Variants in C10orf105 observed in about 807,000 individuals in gnomAD.
The protein encoded by C10orf105 is uncharacterized protein C10orf105.
A neutral mutation model predicts 0.6 loss-of-function variants in C10orf105; 2 were observed. The observed-to-expected ratio is 3.18, with a 90% CI of 1.30 to 10.01. The LOEUF (loss-of-function observed/expected upper bound fraction) is 10.01, where lower values mean the gene tolerates loss of function less well. C10orf105 is among the 30% of genes most tolerant of loss of function. The pLI is 0.04. For missense variants in C10orf105, 209 were observed against 191.4 expected (o/e 1.09, Z -0.54); for synonymous variants, 95 against 82.4 (o/e 1.15, Z -0.83).
rs1172613892 is a variant in C10orf105, at chr10:71,728,864, C to T, written c.-6+8864G>A. Among the ~76,000 whole-genome samples, 3 of 152,054 alleles carry T rather than the reference C, an allele frequency of 2.0e-5. No homozygotes were observed. The South Asian group carries it at 6.2e-4, about 32-fold the overall frequency. On this transcript the variant is annotated intron_variant, in intron 1 of 1. Coordinates refer to the C10orf105 transcript ENST00000398786. ...GATTACAGATGCATGTCACCACCCC[C>T]GGCTAATTTTTTTTAGAGACAGAGT... is the stretch of plus-strand genomic sequence containing the variant.
At chr10:71,724,091 A>G, upstream of C10orf105, 1 of 1,558,868 alleles carries the variant, frequency 6.4e-7, no homozygotes, top group East Asian at 2.4e-5. Flanking sequence ...CGTGTGTGGT[A>G]CCGCATCCTC....
chr10:71,720,476 C>G (rs920635274), upstream of C10orf105, among the ~76,000 whole-genome samples: 1 of 151,988 alleles, frequency 6.6e-6, no homozygotes, highest in Non-Finnish European at 1.5e-5. Context: ...TTCTTTCTCC[C>G]CAGAAGCCAG....
intron 1 of C10orf105, chr10:71,732,683 C>T: frequency 7.5e-7 from 1 of 1,334,728 alleles, no homozygotes; most frequent in Non-Finnish European, 9.6e-7. Flanking sequence ...TGTAACACAT[C>T]CATTTTCATA....
At position 71,730,134 on chromosome 10, in the gene C10orf105, G is replaced by A. The variant is rs1178830913; in HGVS notation, c.-6+7594C>T. Reference sequence around the variant, plus strand: ...TTACAGGCGTGAGCCACCGCGCCCGGCCGAATTATTATCTTAATATTACCA... The same window carrying A: ...TTACAGGCGTGAGCCACCGCGCCCGACCGAATTATTATCTTAATATTACCA... On this transcript the variant is annotated intron_variant, in intron 1 of 1. Coordinates refer to the C10orf105 transcript ENST00000398786. Among the ~76,000 whole-genome samples the A allele has an allele frequency of 3.9e-5, 6 of 152,178 alleles. No homozygotes were observed. In the East Asian group the frequency reaches 7.7e-4, roughly 20 times the overall value.
At chr10:71,720,713 G>A (rs1366432789), upstream of C10orf105, among the ~76,000 whole-genome samples, 3 of 152,208 alleles carry the variant, frequency 2.0e-5, no homozygotes, top group Non-Finnish European at 4.4e-5. Flanking sequence ...CCCCAAGATG[G>A]ACAAGAGATT....
At chr10:71,717,773 C>T (rs1303766041) in intron 1 of C10orf105, 1 of 152,146 alleles carries the variant, frequency 6.6e-6, no homozygotes, top group Non-Finnish European at 1.5e-5. Context: ...AGCCAGAAAT[C>T]TGGATTTTTT....
chr10:71,712,335 T>C lies in C10orf105; in HGVS notation c.*3601A>G, dbSNP rs1029466320. On this transcript the variant is annotated 3_prime_UTR_variant, in exon 2 of 2. Coordinates refer to ENST00000441508, the MANE Select transcript of C10orf105 (RefSeq NM_001164375.3). ...CAGGTTCCCAGGGGTTTAACATGGGTCTGTTTTTTTTGGGAGCCATCATTC... is the reference window on the plus strand; with the variant it reads ...CAGGTTCCCAGGGGTTTAACATGGGCCTGTTTTTTTTGGGAGCCATCATTC... 7.9e-6 allele frequency: 2 copies of C among 253,824 alleles called. No individual in the cohort carries two copies. Among genetic ancestry groups the C allele is most frequent in the Non-Finnish European group, 1.5e-5 (2 of 131,342 alleles). 15.7% of individuals were successfully genotyped at this position (253,824 alleles called of 1,614,324 possible).
In C10orf105 at chr10:71,712,597, CAA is replaced by C; in HGVS notation, c.*3337_*3338del. 1 of 1,578,874 alleles carries C rather than the reference CAA, an allele frequency of 6.3e-7. No individual in the cohort carries two copies. Among genetic ancestry groups the C allele is most frequent in the Non-Finnish European group, 8.6e-7 (1 of 1,156,612 alleles). ...TCTCTGGCCGGTGCCCGGGAGTGTG[CAA>C]AGTCACAGGAAGTGTGCCCCTCTCT... On this transcript the variant is annotated 3_prime_UTR_variant, in exon 2 of 2. Transcript: ENST00000441508.
At chr10:71,724,231 G>T, upstream of C10orf105, 1 of 943,512 alleles carries the variant, frequency 1.1e-6, no homozygotes, top group Non-Finnish European at 1.6e-6. Flanking sequence ...CATGGGGCGA[G>T]GCCAGAGGGA....
At chr10:71,719,529 G>A (rs1866450156) in intron 1 of C10orf105, 98 bp downstream of exon 1, 4 of 152,564 alleles carry the variant, frequency 2.6e-5, no homozygotes, top group Admixed American at 6.5e-5. Flanking sequence ...GACTGCCTAG[G>A]TCTGAGCATA....
intron 1 of C10orf105, chr10:71,732,227 A>G: frequency 6.2e-7 from 1 of 1,613,754 alleles, no homozygotes; most frequent in Non-Finnish European, 8.5e-7. Flanking sequence ...GCCTCATACG[A>G]GGCTGCCATC....
chr10:71,728,189 TC>T (rs965340988), intron 1 of C10orf105, among the ~76,000 whole-genome samples: 10 of 151,556 alleles, frequency 6.6e-5, no homozygotes, highest in Non-Finnish European at 1.2e-4. Flanking sequence ...CCATGCAAAC[TC>T]CCCCCCGCAC....
At chr10:71,737,176 C>G (rs1225436171) in intron 1 of C10orf105, among the ~76,000 whole-genome samples, 2 of 152,130 alleles carry the variant, frequency 1.3e-5, no homozygotes, top group Non-Finnish European at 2.9e-5. Flanking sequence ...TCAGGGAACT[C>G]CATAGCAAAA....
chr10:71,717,960 A>T (rs1866358814), intron 1 of C10orf105: 1 of 152,256 alleles, frequency 6.6e-6, no homozygotes, highest in African/African-American at 2.4e-5. Context: ...AACCAAACAC[A>T]TAAGCAGAGG....
In C10orf105 at chr10:71,713,507, G is replaced by A; in HGVS notation, c.*2429C>T. The A allele has an allele frequency of 3.7e-6, 2 of 547,798 alleles. No individual in the cohort carries two copies. The highest frequency in any genetic ancestry group is 2.2e-5 in the South Asian group (1 of 45,994). 33.9% of individuals were successfully genotyped at this position (547,798 alleles called of 1,614,324 possible). Reference sequence around the variant, plus strand: ...CTTGGGAGGGACAGAAGCGTGGGAGGCTGGCAATGCTCCCCTCCCTGCATC... The same window carrying A: ...CTTGGGAGGGACAGAAGCGTGGGAGACTGGCAATGCTCCCCTCCCTGCATC... On this transcript the variant is annotated 3_prime_UTR_variant, in exon 2 of 2. Transcript: ENST00000441508.
intron 1 of C10orf105, chr10:71,732,386 G>A (rs2132826428): frequency 6.4e-7 from 1 of 1,554,922 alleles, no homozygotes. Flanking sequence ...GTGAGGGGCT[G>A]GGGGCAGGGA....
At chr10:71,730,358 CA>C in intron 1 of C10orf105, 1 of 1,408,838 alleles carries the variant, frequency 7.1e-7, no homozygotes, top group Admixed American at 2.3e-5. Flanking sequence ...AGGGAGCTCA[CA>C]GCAGGCCCAG....
At chr10:71,731,879 C>T (rs1839402217) in intron 1 of C10orf105, 1 of 1,215,934 alleles carries the variant, frequency 8.2e-7, no homozygotes, top group African/African-American at 1.5e-5. Flanking sequence ...TGGGGCAGCC[C>T]ATGCTGGGTG....
At position 71,712,292 on chromosome 10, in the gene C10orf105, C is replaced by G; in HGVS notation, c.*3644G>C. The G allele has an allele frequency of 5.3e-6, 1 of 187,794 alleles. No homozygotes were observed. Among genetic ancestry groups the G allele is most frequent in the South Asian group, 1.3e-4 (1 of 7,474 alleles). The allele number at this position is 187,794 out of a possible 1,614,324, so 11.6% of individuals were successfully genotyped here. On this transcript the variant is annotated 3_prime_UTR_variant, in exon 2 of 2. Coordinates refer to ENST00000441508, the MANE Select transcript of C10orf105 (RefSeq NM_001164375.3). ...ATTACATTTTCAAAGGCCCTTTTCC[C>G]AAATAAATTAATCTTCACAGGTTCC...
Sources: allele counts gnomAD v4.1 joint callset (sites outside exome capture counted in the v4.1 genomes callset), GRCh38; gene constraint gnomAD v4.1.1; transcripts MANE v1.5; gene names NCBI Gene and HGNC (gene_info 2026-07-23, HGNC 2026-07-21).